The following ANGPTL1 variants were observed in gnomAD, a reference collection of about 807,000 sequenced individuals.
The protein encoded by ANGPTL1 is angiopoietin like 1, also known as angiopoietin-related protein 1.
ANGPTL1 carries 36 observed loss-of-function variants against 46.7 expected under a neutral mutation model. The ratio of observed to expected loss-of-function variants is 0.77; its 90% CI spans 0.59 to 1.02. The LOEUF (loss-of-function observed/expected upper bound fraction) is 1.02. Ranked by LOEUF, ANGPTL1 falls within the 50% of genes least tolerant of loss-of-function variation. The probability of loss-of-function intolerance (pLI) is 0.00; values close to 1 mark genes in which losing one functional copy is unlikely to be tolerated. For missense variants in ANGPTL1, 571 were observed against 594.7 expected (o/e 0.96, Z 0.41); for synonymous variants, 221 against 204.3 (o/e 1.08, Z -0.69).
At chr1:178,852,608 C>T (rs1285055945) in intron 5 of ANGPTL1, 75 bp downstream of exon 5, 15 of 1,467,482 alleles carry the variant, frequency 1.0e-5, no homozygotes, top group Admixed American at 2.1e-5. Context: ...ACTTTAGTAG[C>T]ATATATATTA....
chr1:178,864,153 C>A (rs927609429), intron 3 of ANGPTL1, among the ~76,000 whole-genome samples: 1 of 151,840 alleles, frequency 6.6e-6, no homozygotes, highest in Non-Finnish European at 1.5e-5. Flanking sequence ...TAAACTGAAA[C>A]AAAGATGAAT....
chr1:178,863,838 G>A (rs73039856), intron 3 of ANGPTL1, among the ~76,000 whole-genome samples: 7,994 of 152,258 alleles, frequency 0.053, 729 homozygotes, highest in African/African-American at 0.18. Context: ...TGTGAATAGC[G>A]AAGTGGTATT....
intron 3 of ANGPTL1, among the ~76,000 whole-genome samples, chr1:178,864,452 C>T (rs1270887962): frequency 6.6e-6 from 1 of 152,032 alleles, no homozygotes; most frequent in Non-Finnish European, 1.5e-5. Context: ...TAGACTTACT[C>T]AGTATAGTAG....
At chr1:178,868,692 G>A (rs1658565923) in intron 2 of ANGPTL1, among the ~76,000 whole-genome samples, 1 of 151,986 alleles carries the variant, frequency 6.6e-6, no homozygotes, top group Non-Finnish European at 1.5e-5. Context: ...TTCCTTGTGT[G>A]TATTCTGCCT....
chr1:178,861,122 G>A (rs1657978357), intron 3 of ANGPTL1, among the ~76,000 whole-genome samples: 1 of 151,926 alleles, frequency 6.6e-6, no homozygotes, highest in Non-Finnish European at 1.5e-5. Context: ...CATAACAAAG[G>A]TAGTGGTAGA....
rs1197582004 is a variant in ANGPTL1, at chr1:178,849,774, A to G, written c.*1355T>C. The G allele has an allele frequency of 6.6e-6, 1 of 152,244 alleles. No individual in the cohort carries two copies. The highest frequency in any genetic ancestry group is 1.5e-5 in the Non-Finnish European group (1 of 68,040). 9.4% of individuals were successfully genotyped at this position (152,244 alleles called of 1,614,324 possible). A position where few individuals can be genotyped will look rare whatever the true frequency, so the allele number is the denominator to read the frequency against. ...TTTTGAGATGTGGCAGATGAAAAACATTGGTCATGTTGATGGATTTGAGTT... is the reference window on the plus strand; with the variant it reads ...TTTTGAGATGTGGCAGATGAAAAACGTTGGTCATGTTGATGGATTTGAGTT... On this transcript the variant is annotated 3_prime_UTR_variant, in exon 6 of 6. Coordinates refer to ENST00000234816, the MANE Select transcript of ANGPTL1 (RefSeq NM_004673.4).
intron 4 of ANGPTL1, chr1:178,853,245 T>C (rs1657299986): frequency 1.9e-5 from 18 of 966,306 alleles, no homozygotes; most frequent in Non-Finnish European, 2.2e-5. Context: ...ACTAAAAATA[T>C]TAGCTAGTAT....
intron 1 of ANGPTL1, among the ~76,000 whole-genome samples, 195 bp downstream of exon 1, chr1:178,870,542 CAAAT>C (rs1464149055): frequency 6.6e-6 from 1 of 152,144 alleles, no homozygotes; most frequent in Non-Finnish European, 1.5e-5. Flanking sequence ...AATTGAACCT[CAAAT>C]AATGCATTAA....
chr1:178,857,657 A>G (rs1406588466), intron 3 of ANGPTL1, among the ~76,000 whole-genome samples: 1 of 152,192 alleles, frequency 6.6e-6, no homozygotes, highest in African/African-American at 2.4e-5. Flanking sequence ...ATAAATTTGC[A>G]TATTCTGTAA....
rs868413114 is a variant in ANGPTL1 at position 178,849,709 on chromosome 1, G to A, written c.*1420C>T. ...AAACAAAGAATAATACCACTATGAGGTTTGGATATTTTGTTTAATTTGTTT... is the reference window on the plus strand; with the variant it reads ...AAACAAAGAATAATACCACTATGAGATTTGGATATTTTGTTTAATTTGTTT... On this transcript the variant is annotated 3_prime_UTR_variant, in exon 6 of 6. Coordinates refer to ENST00000234816, the MANE Select transcript of ANGPTL1 (RefSeq NM_004673.4). 1 of 152,162 alleles carries A rather than the reference G, an allele frequency of 6.6e-6. No homozygotes were observed. The highest frequency in any genetic ancestry group is 1.9e-4 in the East Asian group (1 of 5,198). The allele number at this position is 152,162 out of a possible 1,614,324, so 9.4% of individuals were successfully genotyped here.
At position 178,853,700 on chromosome 1, in the gene ANGPTL1, G is replaced by C. The variant is rs1469072063; in HGVS notation, c.911C>G (p.Pro304Arg). 1.2e-6 allele frequency: 2 copies of C among 1,612,616 alleles called. No individual in the cohort carries two copies. The highest frequency in any genetic ancestry group is 1.7e-6 in the Non-Finnish European group (2 of 1,179,342). The change falls in exon 4 of 6, where the codon CCA becomes CGA. Residue 304 changes from proline to arginine, a missense_variant. By Grantham distance (103) the Pro-to-Arg change is moderately radical. Coordinates refer to ENST00000234816, the MANE Select transcript of ANGPTL1 (RefSeq NM_004673.4). ...YMIKPENSNG[P>R]MQLWCENSLD... is the part of the protein sequence containing the mutation. ...ACTGTTTTCACACCATAACTGCATTGGTCCATTGCTGTTTTCAGGTTTAAT... is the reference window on the plus strand; with the variant it reads ...ACTGTTTTCACACCATAACTGCATTCGTCCATTGCTGTTTTCAGGTTTAAT...
intron 3 of ANGPTL1, among the ~76,000 whole-genome samples, chr1:178,863,217 A>T (rs1658153998): frequency 6.6e-6 from 1 of 152,152 alleles, no homozygotes. Flanking sequence ...AAAAGGGGAC[A>T]TGAGTAGAAT....
rs1657153736 is a variant in ANGPTL1 at position 178,851,242 on chromosome 1, AC to A, written c.1362del (p.Trp454CysfsTer27). On this transcript the variant is annotated frameshift_variant, in exon 6 of 6. Coordinates refer to ENST00000234816, the MANE Select transcript of ANGPTL1 (RefSeq NM_004673.4). LOFTEE classifies it high-confidence loss of function. ...ACAHSNLNGV[W>X]YRGGHYRSKH... ...TTGCTTCTGTAATGGCCTCCTCTGT[AC>A]CATACTCCATTTAGGTTAGAATGTG... 3.7e-6 allele frequency: 6 copies of A among 1,613,832 alleles called. No homozygotes were observed. The highest frequency in any genetic ancestry group is 5.1e-6 in the Non-Finnish European group (6 of 1,179,908).
Position 178,869,214 on chromosome 1 carries a change from A to G in ANGPTL1, c.-127T>C, listed in dbSNP as rs1224916713. 1.3e-5 allele frequency: 2 copies of G among 152,062 alleles called. No individual in the cohort carries two copies. The highest frequency in any genetic ancestry group is 4.8e-5 in the African/African-American group (2 of 41,448). 9.4% of individuals were successfully genotyped at this position (152,062 alleles called of 1,614,324 possible). Reference sequence around the variant, plus strand: ...AGTAGCTTTTCTCTTCATAGTTGCTATATTGCCAGCTAGTAGAGAGAAGAA... The same window carrying G: ...AGTAGCTTTTCTCTTCATAGTTGCTGTATTGCCAGCTAGTAGAGAGAAGAA... On this transcript the variant is annotated 5_prime_UTR_variant, in exon 2 of 6. Transcript: ENST00000234816.
At chr1:178,864,664 G>A (rs1658259364) in intron 3 of ANGPTL1, among the ~76,000 whole-genome samples, 1 of 152,142 alleles carries the variant, frequency 6.6e-6, no homozygotes, top group Non-Finnish European at 1.5e-5. Context: ...TCGGAGTGGA[G>A]CATGTACTTA....
At chr1:178,859,271 C>A (rs1657794572) in intron 3 of ANGPTL1, among the ~76,000 whole-genome samples, 1 of 151,704 alleles carries the variant, frequency 6.6e-6, no homozygotes, top group African/African-American at 2.4e-5. Flanking sequence ...CCATTGAAAC[C>A]AATTATACCT....
chr1:178,855,296 CTTT>C (rs71677302), intron 3 of ANGPTL1, among the ~76,000 whole-genome samples: 6 of 135,920 alleles, frequency 4.4e-5, no homozygotes, highest in African/African-American at 7.8e-5. Flanking sequence ...AGGACAGAGA[CTTT>C]TTTTTTTTTT....
chr1:178,852,624 T>C, intron 5 of ANGPTL1, 59 bp downstream of exon 5: 1 of 1,531,052 alleles, frequency 6.5e-7, no homozygotes, highest in Non-Finnish European at 8.8e-7. Context: ...TATTAGTAGA[T>C]TCTATTTAAT....
intron 5 of ANGPTL1, 23 bp from the exon 6 acceptor site, chr1:178,851,339 T>C (rs1192726894): frequency 6.9e-6 from 11 of 1,589,246 alleles, no homozygotes; most frequent in Admixed American, 1.8e-5. Context: ...AATACAGATA[T>C]AAATGTAAAA....
Sources: gnomAD v4.1 joint callset for allele counts (sites outside exome capture counted in the v4.1 genomes callset) on GRCh38, gnomAD v4.1.1 for gene constraint, MANE v1.5 for transcripts, NCBI Gene and HGNC (gene_info 2026-07-23, HGNC 2026-07-21) for gene names.